Variants in PDE4D observed in about 807,000 individuals in gnomAD.
PDE4D encodes the protein 3',5'-cyclic-AMP phosphodiesterase 4D.
A neutral mutation model predicts 87.4 loss-of-function variants in PDE4D; 24 were observed. The observed-to-expected ratio is 0.27, with a 90% confidence interval of 0.20 to 0.39. The LOEUF is 0.39. Ranked by LOEUF, PDE4D falls within the 10% of genes least tolerant of loss-of-function variation. PDE4D has a pLI of 1.00. For synonymous variants in PDE4D, 384 were observed against 383.2 expected (o/e 1.00, Z -0.02); for missense variants, 714 against 1,041.0 (o/e 0.69, Z 4.32).
chr5:59,012,927 A>G (rs191074482), intron 6 of PDE4D, among the ~76,000 whole-genome samples: 2 of 152,354 alleles, frequency 1.3e-5, no homozygotes, highest in Non-Finnish European at 2.9e-5. Flanking sequence ...AGCAAATGTA[A>G]TAGAACAGAA....
At chr5:60,475,673 T>C (rs963336666) in intron 1 of PDE4D, among the ~76,000 whole-genome samples, 2 of 152,164 alleles carry the variant, frequency 1.3e-5, no homozygotes, top group Non-Finnish European at 1.5e-5. Flanking sequence ...AATGTTTCTA[T>C]GTTCTAAGGA....
At chr5:60,192,272 T>A (rs1274573621) in intron 1 of PDE4D, among the ~76,000 whole-genome samples, 1 of 152,146 alleles carries the variant, frequency 6.6e-6, no homozygotes, top group African/African-American at 2.4e-5. Context: ...TTATTTTACT[T>A]TTAAAAATAA....
intron 1 of PDE4D, among the ~76,000 whole-genome samples, chr5:59,715,842 G>C (rs6874354): frequency 0.026 from 3,955 of 152,314 alleles, 143 homozygotes; most frequent in African/African-American, 0.08. Flanking sequence ...TGGGGTGTTT[G>C]CCCGTCATAA....
intron 1 of PDE4D, among the ~76,000 whole-genome samples, chr5:59,225,102 GA>G (rs1753458308): frequency 6.6e-6 from 1 of 152,190 alleles, no homozygotes; most frequent in South Asian, 2.1e-4. Context: ...CCAATGCCAT[GA>G]AATTTTCCCC....
intron 5 of PDE4D, among the ~76,000 whole-genome samples, chr5:59,159,396 G>A (rs150637772): frequency 6.6e-6 from 1 of 152,034 alleles, no homozygotes; most frequent in Non-Finnish European, 1.5e-5. Context: ...GCCTCCCAAA[G>A]TGCTGCGATT....
intron 1 of PDE4D, among the ~76,000 whole-genome samples, chr5:59,794,120 GAC>G (rs1454517126): frequency 1.6e-5 from 2 of 126,008 alleles, no homozygotes; most frequent in African/African-American, 3.2e-5. Flanking sequence ...CAGATACACA[GAC>G]ACACACACAG....
intron 3 of PDE4D, among the ~76,000 whole-genome samples, chr5:59,924,103 T>C (rs192553625): frequency 4.4e-4 from 67 of 152,296 alleles, no homozygotes; most frequent in Non-Finnish European, 5.1e-4. Flanking sequence ...CAGAGTCTCT[T>C]AATGGCAGAA....
chr5:59,882,763 T>C, intron 1 of PDE4D, among the ~76,000 whole-genome samples: 1 of 142,060 alleles, frequency 7.0e-6, no homozygotes, highest in East Asian at 2.0e-4. Context: ...TGAATTCTCC[T>C]TTCCTTCTTT....
intron 1 of PDE4D, among the ~76,000 whole-genome samples, chr5:59,462,396 G>C (rs1800906383): frequency 6.6e-6 from 1 of 151,978 alleles, no homozygotes; most frequent in Non-Finnish European, 1.5e-5. Context: ...GCAGATGATA[G>C]GGTGGCATAC....
chr5:59,407,043 G>C (rs1791799315), intron 1 of PDE4D, among the ~76,000 whole-genome samples: 1 of 152,174 alleles, frequency 6.6e-6, no homozygotes, highest in African/African-American at 2.4e-5. Flanking sequence ...GACTTGTAGA[G>C]TCTTGGGGTT....
chr5:59,118,073 G>C (rs1195342021), intron 5 of PDE4D, among the ~76,000 whole-genome samples: 1 of 152,072 alleles, frequency 6.6e-6, no homozygotes. Context: ...TAGCTATTTT[G>C]TATTCTTCAT....
At chr5:59,389,568 A>G (rs1787821377) in intron 1 of PDE4D, among the ~76,000 whole-genome samples, 1 of 152,120 alleles carries the variant, frequency 6.6e-6, no homozygotes. Context: ...AAATAAAACT[A>G]TCATATGATC....
intron 1 of PDE4D, among the ~76,000 whole-genome samples, chr5:59,848,813 G>A (rs1174236950): frequency 6.6e-6 from 1 of 151,972 alleles, no homozygotes; most frequent in East Asian, 1.9e-4. Flanking sequence ...TCCGTAACCG[G>A]GGTAAGGGCT....
chr5:59,465,829 A>C (rs900769850), intron 1 of PDE4D, among the ~76,000 whole-genome samples: 2 of 152,178 alleles, frequency 1.3e-5, no homozygotes, highest in African/African-American at 2.4e-5. Flanking sequence ...TGCTTATTTA[A>C]ATTTAATATC....
intron 1 of PDE4D, among the ~76,000 whole-genome samples, chr5:59,342,024 A>T (rs1468062968): frequency 6.6e-6 from 1 of 152,162 alleles, no homozygotes; most frequent in African/African-American, 2.4e-5. Flanking sequence ...CATAAATGTC[A>T]TACAAGCTGC....
chr5:59,794,822 T>G (rs76172130), intron 1 of PDE4D, among the ~76,000 whole-genome samples: 3,798 of 152,274 alleles, frequency 0.025, 131 homozygotes, highest in African/African-American at 0.076. Context: ...TAACACTTTT[T>G]TTCAGCTGGA....
At chr5:59,455,126 C>A (rs1215904289) in intron 1 of PDE4D, among the ~76,000 whole-genome samples, 1 of 152,212 alleles carries the variant, frequency 6.6e-6, no homozygotes, top group Non-Finnish European at 1.5e-5. Context: ...CTGCAGAAAT[C>A]TGCACAAGTA....
At chr5:60,124,697 T>G (rs556401977) in intron 2 of PDE4D, among the ~76,000 whole-genome samples, 1 of 152,192 alleles carries the variant, frequency 6.6e-6, no homozygotes, top group Non-Finnish European at 1.5e-5. Flanking sequence ...ATCTTATTTC[T>G]CTGCCTAAAT....
intron 5 of PDE4D, among the ~76,000 whole-genome samples, chr5:59,046,420 A>ATG (rs34085161): frequency 0.021 from 2,962 of 143,356 alleles, 86 homozygotes; most frequent in African/African-American, 0.067. Context: ...GAGAGAGAGA[A>ATG]TGTGTGTGTG....
Sources: allele counts gnomAD v4.1 joint callset (sites outside exome capture counted in the v4.1 genomes callset), GRCh38; gene constraint gnomAD v4.1.1; transcripts MANE v1.5; gene names NCBI Gene and HGNC (gene_info 2026-07-23, HGNC 2026-07-21).